The following GRM4 variants were observed in gnomAD, a reference collection of about 807,000 sequenced individuals.
GRM4 encodes glutamate metabotropic receptor 4, also known as metabotropic glutamate receptor 4.
In GRM4, 28 loss-of-function variants were observed where a neutral mutation model predicts 81.7. The ratio of observed to expected loss-of-function variants is 0.34; its 90% CI spans 0.25 to 0.47. The LOEUF is 0.47. Ranked by LOEUF, GRM4 falls within the 20% of genes least tolerant of loss-of-function variation. GRM4 has a pLI of 1.00. For missense variants in GRM4, 948 were observed against 1,290.0 expected (o/e 0.73, Z 4.06); for synonymous variants, 488 against 528.8 (o/e 0.92, Z 1.06).
At chr6:34,024,512 G>A (rs1399967226) in intron 10 of GRM4, 3 of 372,956 alleles carry the variant, frequency 8.0e-6, no homozygotes, top group Non-Finnish European at 1.1e-5. Flanking sequence ...CAGTGTAACT[G>A]GAAGCCCACT....
rs892590872 is a variant in GRM4, at chr6:34,114,728, G to A, written c.519+18250C>T. Among the ~76,000 whole-genome samples, 5 of 151,948 alleles carry A rather than the reference G, an allele frequency of 3.3e-5. No homozygotes were observed. The highest frequency in any genetic ancestry group is 5.9e-5 in the Non-Finnish European group (4 of 67,970). On this transcript the variant is annotated intron_variant, in intron 2 of 10. Coordinates refer to ENST00000538487, the MANE Select transcript of GRM4 (RefSeq NM_000841.4). This position sits in a 1 kb window ranked among gnomAD's most constrained non-coding sequence, Gnocchi z 4.3. Reference sequence around the variant, plus strand: ...TGCACGCCTTGTCAGAACTGCCCTCGCCCTCCTCTGAGCCCCTAGACCCTC... The same window carrying A: ...TGCACGCCTTGTCAGAACTGCCCTCACCCTCCTCTGAGCCCCTAGACCCTC...
Position 34,028,162 on chromosome 6 carries a change from C to T in GRM4, c.2647G>A (p.Gly883Arg), listed in dbSNP as rs766843744. Residue 883 changes from glycine to arginine, a missense_variant, in exon 10 of 11, where the codon GGA (glycine) becomes AGA (arginine). Physicochemically the swap from Gly to Arg is moderately radical, Grantham distance 125 (BLOSUM62 -2). Transcript: ENST00000538487. ...TCGCAGAGCTCAGACTTGGCCTCTC[C>T]GTTGGGCCGGAAGTTGCCCTTCTGC... ...FTQKGNFRPNGEAKSELCENL... is the reference protein window; with the variant it reads ...FTQKGNFRPNREAKSELCENL... 4.2e-5 allele frequency: 68 copies of T among 1,613,818 alleles called. 2 individuals are homozygous for T. The South Asian group carries it at 6.4e-4, about 15-fold the overall frequency.
At chr6:34,147,240 C>G (rs1479237315), upstream of GRM4, among the ~76,000 whole-genome samples, 3 of 152,176 alleles carry the variant, frequency 2.0e-5, no homozygotes, top group Non-Finnish European at 4.4e-5. Context: ...GACTGAGGTC[C>G]TGCTCCATTC....
rs146183799 is a variant in GRM4, at chr6:34,022,831, T to C, written c.2729A>G (p.His910Arg). 10 of 1,613,594 alleles carry C rather than the reference T, an allele frequency of 6.2e-6. No homozygotes were observed. In the African/African-American group the frequency reaches 1.1e-4, roughly 17 times the overall value. The change falls in exon 11 of 11, where the codon CAT (histidine) becomes CGT (arginine). Residue 910 changes from histidine to arginine, a missense_variant. Physicochemically the swap from His to Arg is conservative, Grantham distance 29 (BLOSUM62 0). Transcript: ENST00000538487. This position sits in a 1 kb window ranked among gnomAD's most constrained non-coding sequence, Gnocchi z 5.6. ...TKQTYVTYTN[H>R]AI is the part of the protein sequence containing the mutation. ...AGCTCCATGGACTCGCTAGATTGCA[T>C]GGTTGGTGTAAGTGACGTAAGTCTG...
chr6:34,044,463 CACAG>C lies in GRM4; in HGVS notation c.1169-3719_1169-3716del, dbSNP rs544677432. On this transcript the variant is annotated intron_variant, in intron 6 of 10. Transcript: ENST00000538487. The stretch of plus-strand genomic sequence containing the variant: ...ATACATACACATATATAGACACACA[CACAG>C]ACATACATACATACACATATACATA... Among the ~76,000 whole-genome samples, 383 of 141,320 alleles carry C rather than the reference CACAG, an allele frequency of 2.7e-3. 10 individuals carry two copies. The highest frequency in any genetic ancestry group is 0.023 in the South Asian group (104 of 4,498). The allele number at this position is 141,320 out of a possible 152,430, so 92.7% of individuals were successfully genotyped here.
At position 34,092,449 on chromosome 6, in the gene GRM4, G is replaced by A. The variant is rs1430320088; in HGVS notation, c.520-350C>T. Among the ~76,000 whole-genome samples, 2 of 152,184 alleles carry A rather than the reference G, an allele frequency of 1.3e-5. No individual in the cohort carries two copies. Among genetic ancestry groups the A allele is most frequent in the African/African-American group, 2.4e-5 (1 of 41,446 alleles). ...CGTGAGATGATTCAGCCTGGGGATG[G>A]GGTGGGATTTGGGTGTTGGGAGGGG... On this transcript the variant is annotated intron_variant, in intron 2 of 10. Transcript: ENST00000538487. The surrounding 1 kb of genome is among the most constrained non-coding windows in gnomAD (Gnocchi z 6.8).
chr6:34,102,113 T>A (rs1407621727), intron 2 of GRM4: 14 of 1,535,626 alleles, frequency 9.1e-6, no homozygotes, highest in Non-Finnish European at 8.7e-7. Context: ...GGGAAGAGTT[T>A]GCACCATCTT....
intron 2 of GRM4, among the ~76,000 whole-genome samples, chr6:34,101,777 A>G (rs1410205274): frequency 6.6e-6 from 1 of 152,262 alleles, no homozygotes. Flanking sequence ...TATTAATTTC[A>G]TGCTTATTAT....
intron 2 of GRM4, chr6:34,103,468 AGAGCGCCC>A: frequency 1.3e-6 from 1 of 797,472 alleles, no homozygotes; most frequent in Non-Finnish European, 2.1e-6. Context: ...GCCGCAGATA[AGAGCGCCC>A]GAGAGAGCAG....
intron 3 of GRM4, among the ~76,000 whole-genome samples, chr6:34,081,263 G>A (rs969645125): frequency 1.3e-5 from 2 of 152,236 alleles, no homozygotes; most frequent in African/African-American, 4.8e-5. Flanking sequence ...CTAAAGTGGG[G>A]ACAATGCTCA....
intron 3 of GRM4, among the ~76,000 whole-genome samples, chr6:34,085,993 C>T (rs1251054352): frequency 6.6e-6 from 1 of 152,178 alleles, no homozygotes; most frequent in East Asian, 1.9e-4. Context: ...GTGCCTGGAA[C>T]ATTTGAGGAG....
rs9469682 is a variant in GRM4, at chr6:34,020,664, T to C, written c.*2157A>G. On this transcript the variant is annotated 3_prime_UTR_variant, in exon 11 of 11. Transcript: ENST00000538487. ...AGGTCTTAGGAACCATTCCGCAAGA[T>C]GATCAGCGAGACACTTCCTTTCCTG... is the stretch of plus-strand genomic sequence containing the variant. The C allele has an allele frequency of 0.14, 20,617 of 152,128 alleles. 2,927 individuals carry two copies. Among genetic ancestry groups the C allele is most frequent in the African/African-American group, 0.37 (15,143 of 41,434 alleles). 9.4% of individuals were successfully genotyped at this position (152,128 alleles called of 1,614,324 possible). A position where few individuals can be genotyped will look rare whatever the true frequency, so the allele number is the denominator to read the frequency against.
intron 9 of GRM4, among the ~76,000 whole-genome samples, chr6:34,029,000 G>C (rs1181255686): frequency 6.6e-6 from 1 of 152,228 alleles, no homozygotes. Flanking sequence ...AACAGTGACA[G>C]ATGTTTAGCA....
rs951745898 is a variant in GRM4 at position 34,069,470 on chromosome 6, G to A, written c.737-7442C>T. On this transcript the variant is annotated intron_variant, in intron 3 of 10. Coordinates refer to ENST00000538487, the MANE Select transcript of GRM4 (RefSeq NM_000841.4). This position sits in a 1 kb window ranked among gnomAD's most constrained non-coding sequence, Gnocchi z 6.4. ...GGCTGCTCCAGAGTGAGCTGGGTGCGGGACACACGAGGGCTGGGCTGGCTC... is the reference window on the plus strand; with the variant it reads ...GGCTGCTCCAGAGTGAGCTGGGTGCAGGACACACGAGGGCTGGGCTGGCTC... Among the ~76,000 whole-genome samples the A allele has an allele frequency of 1.3e-5, 2 of 152,126 alleles. No individual in the cohort carries two copies. The highest frequency in any genetic ancestry group is 4.8e-5 in the African/African-American group (2 of 41,410).
chr6:34,059,173 A>G lies in GRM4; in HGVS notation c.873-45T>C. On this transcript the variant is annotated intron_variant, in intron 4 of 10. Coordinates refer to ENST00000538487, the MANE Select transcript of GRM4 (RefSeq NM_000841.4). The surrounding 1 kb of genome is among the most constrained non-coding windows in gnomAD (Gnocchi z 5.7). ...CCCAGCCCAGCCGCGTCTGTCCACGAAACTGCCCCCACTCCTGGCCACACT... is the reference window on the plus strand; with the variant it reads ...CCCAGCCCAGCCGCGTCTGTCCACGGAACTGCCCCCACTCCTGGCCACACT... 1.3e-6 allele frequency: 2 copies of G among 1,592,496 alleles called. No homozygotes were observed. The highest frequency in any genetic ancestry group is 1.7e-6 in the Non-Finnish European group (2 of 1,164,716).
intron 3 of GRM4, among the ~76,000 whole-genome samples, chr6:34,076,236 G>C (rs1767304176): frequency 6.6e-6 from 1 of 152,268 alleles, no homozygotes; most frequent in African/African-American, 2.4e-5. Context: ...GGCCAAGCAT[G>C]TCTCCCTGCC....
intron 2 of GRM4, among the ~76,000 whole-genome samples, chr6:34,125,766 T>A (rs1007283535): frequency 6.6e-6 from 1 of 152,210 alleles, no homozygotes; most frequent in Non-Finnish European, 1.5e-5. Flanking sequence ...CTGGCTCTGG[T>A]CTGGAGGTTC....
intron 2 of GRM4, among the ~76,000 whole-genome samples, chr6:34,127,922 C>G (rs1488431900): frequency 6.6e-6 from 1 of 152,134 alleles, no homozygotes; most frequent in Non-Finnish European, 1.5e-5. Flanking sequence ...AGACAGTGTT[C>G]CCCCAGGGCC....
In GRM4 at chr6:34,040,814, G is replaced by T. The variant is rs1051787120; in HGVS notation, c.1169-66C>A. 5 of 1,378,164 alleles carry T rather than the reference G, an allele frequency of 3.6e-6. No individual in the cohort carries two copies. The Admixed American group carries it at 6.9e-5, about 19-fold the overall frequency. 85.4% of individuals were successfully genotyped at this position (1,378,164 alleles called of 1,614,324 possible). A position where few individuals can be genotyped will look rare whatever the true frequency, so the allele number is the denominator to read the frequency against. On this transcript the variant is annotated intron_variant, in intron 6 of 10. Transcript: ENST00000538487. ...ACTGTCCTCACAGTGGTGTCATGGG[G>T]GCCAGACCACCCTCTGGCCACCTGG... is the stretch of plus-strand genomic sequence containing the variant.
Sources: gnomAD v4.1 joint callset for allele counts (sites outside exome capture counted in the v4.1 genomes callset) on GRCh38, gnomAD v4.1.1 for gene constraint, Gnocchi (gnomAD v3.1) non-coding constraint, MANE v1.5 for transcripts, NCBI Gene and HGNC (gene_info 2026-07-23, HGNC 2026-07-21) for gene names.